The following AADAC variants were observed in gnomAD, a reference collection of about 807,000 sequenced individuals.
AADAC encodes the protein arylacetamide deacetylase, also known as arylacetamide deacetylase (esterase).
A neutral mutation model predicts 22.7 loss-of-function variants in AADAC; 17 were observed. That is an observed-to-expected ratio of 0.75 (90% confidence interval 0.51 to 1.12). The LOEUF (loss-of-function observed/expected upper bound fraction) is 1.12. Among genes scored for constraint, AADAC ranks in the 50% most tolerant of loss-of-function variants. AADAC has a pLI of 0.00. For synonymous variants in AADAC, 167 were observed against 176.3 expected (o/e 0.95, Z 0.42); for missense variants, 465 against 473.9 (o/e 0.98, Z 0.17).
At chr3:151,815,039 A>T (rs775516010) in intron 1 of AADAC, among the ~76,000 whole-genome samples, 2 of 152,044 alleles carry the variant, frequency 1.3e-5, no homozygotes, top group African/African-American at 4.8e-5. Flanking sequence ...CAACTGTCTC[A>T]AATCCTATTA....
At chr3:151,817,333 G>C (rs1716030932) in intron 1 of AADAC, 33 bp from the exon 2 acceptor site, 1 of 1,580,372 alleles carries the variant, frequency 6.3e-7, no homozygotes. Flanking sequence ...TTTGATACTT[G>C]AATTTCAGGA....
rs949635522 is a variant in AADAC at position 151,819,930 on chromosome 3, A to G, written c.362-453A>G. 3.2e-4 allele frequency among the ~76,000 whole-genome samples: 49 copies of G among 152,204 alleles called. 1 individual carries two copies. The highest frequency in any genetic ancestry group is 1.1e-3 in the African/African-American group (45 of 41,562). ...ATTCAGGTGCCTTTTCTATTGTCCC[A>G]TGCAGACTTAGGTGATCCTTCTATA... On this transcript the variant is annotated intron_variant, in intron 2 of 4. Coordinates refer to ENST00000232892, the MANE Select transcript of AADAC (RefSeq NM_001086.3).
intron 4 of AADAC, among the ~76,000 whole-genome samples, chr3:151,827,106 G>A (rs1245164630): frequency 6.6e-6 from 1 of 151,708 alleles, no homozygotes; most frequent in African/African-American, 2.4e-5. Context: ...GTCAAGACGG[G>A]TTTTTGCCAT....
At chr3:151,824,933 G>T in intron 4 of AADAC, 99 bp downstream of exon 4, 2 of 935,916 alleles carry the variant, frequency 2.1e-6, no homozygotes, top group Non-Finnish European at 2.9e-6. Context: ...AAATATGAAT[G>T]CAAATAGGAG....
intron 2 of AADAC, 84 bp downstream of exon 2, chr3:151,817,672 C>CGAAG: frequency 1.7e-6 from 2 of 1,202,342 alleles, no homozygotes; most frequent in Non-Finnish European, 2.4e-6. Flanking sequence ...ACATGCCCTT[C>CGAAG]GGCATGGACA....
chr3:151,819,613 A>C (rs1178530467), intron 2 of AADAC, among the ~76,000 whole-genome samples: 1 of 152,074 alleles, frequency 6.6e-6, no homozygotes, highest in African/African-American at 2.4e-5. Context: ...AGACTGAAAT[A>C]AATGAAGGCA....
At chr3:151,820,477 C>T in intron 3 of AADAC, 25 bp downstream of exon 3, 1 of 1,462,914 alleles carries the variant, frequency 6.8e-7, no homozygotes. Context: ...GTTTGGTTTC[C>T]TGGCCAGATG....
intron 1 of AADAC, among the ~76,000 whole-genome samples, chr3:151,815,352 C>T (rs1185078491): frequency 1.3e-5 from 2 of 151,990 alleles, no homozygotes; most frequent in Non-Finnish European, 2.9e-5. Context: ...ACCCCAGCTA[C>T]AGAATATTGA....
intron 2 of AADAC, among the ~76,000 whole-genome samples, chr3:151,818,197 C>T (rs1716075057): frequency 1.3e-5 from 2 of 149,776 alleles, no homozygotes; most frequent in East Asian, 3.9e-4. Flanking sequence ...GCCAAGATTG[C>T]ACCGTTGCAC....
Position 151,828,051 on chromosome 3 carries a change from G to A in AADAC, c.1079G>A (p.Gly360Glu). The A allele has an allele frequency of 6.2e-7, 1 of 1,613,180 alleles. No individual in the cohort carries two copies. The highest frequency in any genetic ancestry group is 1.1e-5 in the South Asian group (1 of 91,052). Reference protein sequence around the residue: ...LMYVTRLRNTGVQVTHNHVED... With the variant: ...LMYVTRLRNTEVQVTHNHVED... ...TATGTCACCCGACTTCGCAACACTG[G>A]GGTTCAGGTGACTCATAACCATGTT... is the stretch of plus-strand genomic sequence containing the variant. Residue 360 changes from glycine (G) to glutamate (E), a missense_variant, in exon 5 of 5, where the codon GGG becomes GAG. Physicochemically the swap from Gly to Glu is moderately conservative, Grantham distance 98. Coordinates refer to ENST00000232892, the MANE Select transcript of AADAC (RefSeq NM_001086.3).
rs140857747 is a variant in AADAC at position 151,827,661 on chromosome 3, C to T, written c.689C>T (p.Pro230Leu). The part of the protein sequence containing the change: ...PALQPLDVDL[P>L]SYQENSNFLF... ...CTTCAGCCTCTTGATGTAGATTTAC[C>T]GTCATATCAAGAAAATTCAAATTTT... The change falls in exon 5 of 5, where the codon CCG becomes CTG. Residue 230 changes from proline to leucine, a missense_variant. Coordinates refer to ENST00000232892, the MANE Select transcript of AADAC (RefSeq NM_001086.3). The T allele has an allele frequency of 1.7e-5, 27 of 1,611,854 alleles. No individual in the cohort carries two copies. Among genetic ancestry groups the T allele is most frequent in the Admixed American group, 1.2e-4 (7 of 59,800 alleles).
intron 3 of AADAC, among the ~76,000 whole-genome samples, chr3:151,820,809 C>T (rs986311615): frequency 4.4e-5 from 6 of 137,252 alleles, no homozygotes; most frequent in Non-Finnish European, 9.5e-5. Context: ...TGAGCCACCG[C>T]GCTCAGCCGA....
At chr3:151,817,032 TACA>T (rs1716015256) in intron 1 of AADAC, among the ~76,000 whole-genome samples, 2 of 152,050 alleles carry the variant, frequency 1.3e-5, no homozygotes, top group Non-Finnish European at 2.9e-5. Flanking sequence ...AGATTTTCTC[TACA>T]GATGCAAATC....
At chr3:151,818,678 A>G (rs950679478) in intron 2 of AADAC, among the ~76,000 whole-genome samples, 5 of 152,128 alleles carry the variant, frequency 3.3e-5, no homozygotes, top group African/African-American at 4.8e-5. Context: ...TTACACATCC[A>G]ATTAAGTTAC....
Position 151,824,728 on chromosome 3 carries a change from G to A in AADAC, c.497G>A (p.Trp166Ter). The change falls in exon 4 of 5, where the codon TGG becomes TAG. Residue 166 changes from tryptophan to a stop codon, truncating the protein, a stop_gained. Transcript: ENST00000232892. LOFTEE classifies it high-confidence loss of function. ...GAAGATGTATATAATGCCTTAAGGT[G>A]GTTCTTACGTAAAAAAGTTCTTGCA... The part of the protein sequence containing the change: ...QFEDVYNALR[W>*]FLRKKVLAKY... 2 of 1,607,952 alleles carry A rather than the reference G, an allele frequency of 1.2e-6. No homozygotes were observed. Among genetic ancestry groups the A allele is most frequent in the Non-Finnish European group, 1.7e-6 (2 of 1,176,826 alleles).
At chr3:151,824,391 T>C (rs1716384790) in intron 3 of AADAC, among the ~76,000 whole-genome samples, 1 of 151,956 alleles carries the variant, frequency 6.6e-6, no homozygotes, top group Non-Finnish European at 1.5e-5. Context: ...ATTTATGCTG[T>C]TATGTCAAAT....
chr3:151,821,654 A>G (rs1716260796), intron 3 of AADAC, among the ~76,000 whole-genome samples: 1 of 151,992 alleles, frequency 6.6e-6, no homozygotes, highest in Non-Finnish European at 1.5e-5. Context: ...TTGCATTCCA[A>G]CTTTATACTT....
chr3:151,818,264 T>C (rs1455465077), intron 2 of AADAC, among the ~76,000 whole-genome samples: 1 of 150,346 alleles, frequency 6.7e-6, no homozygotes, highest in Non-Finnish European at 1.5e-5. Context: ...AAGAAAAAAA[T>C]CCTGTCTTCC....
At chr3:151,823,628 AG>A (rs1716346208) in intron 3 of AADAC, among the ~76,000 whole-genome samples, 1 of 152,044 alleles carries the variant, frequency 6.6e-6, no homozygotes, top group African/African-American at 2.4e-5. Context: ...AGTGTTGGTA[AG>A]GTTTTGAATC....
Sources: allele counts gnomAD v4.1 joint callset (sites outside exome capture counted in the v4.1 genomes callset), GRCh38; gene constraint gnomAD v4.1.1; transcripts MANE v1.5; gene names NCBI Gene and HGNC (gene_info 2026-07-23, HGNC 2026-07-21).